The following PTPRD variants were observed in gnomAD, a reference collection of about 807,000 sequenced individuals.
PTPRD encodes the protein receptor-type tyrosine-protein phosphatase delta.
In PTPRD, 34 loss-of-function variants were observed where a neutral mutation model predicts 214.5. The ratio of observed to expected loss-of-function variants is 0.16; its 90% confidence interval spans 0.12 to 0.21. The LOEUF is 0.21. Among genes scored for constraint, PTPRD ranks in the 10% least tolerant of loss-of-function variants. The probability of loss-of-function intolerance (pLI) is 1.00; values close to 1 mark genes in which losing one functional copy is unlikely to be tolerated. For missense variants in PTPRD, 2,545 were observed against 2,398.7 expected, an observed-to-expected ratio of 1.06 and a Z score of -1.27; for synonymous variants, 1,128 against 845.7, an observed-to-expected ratio of 1.33 and a Z score of -5.79.
intron 4 of PTPRD, among the ~76,000 whole-genome samples, chr9:9,998,135 T>A (rs1303786379): frequency 6.2e-5 from 8 of 128,138 alleles, no homozygotes; most frequent in South Asian, 2.3e-4. Flanking sequence ...AAAAAATATA[T>A]ATATATATAT....
At position 9,798,782 on chromosome 9, in the gene PTPRD, C is replaced by T. The variant is rs372730955; in HGVS notation, c.-367-31931G>A. ...TAAAATGACTGATTTATGAAGCAGA[C>T]ACAGCAAATTGGAAGCAAAATCAGG... On this transcript the variant is annotated intron_variant, in intron 5 of 45. Coordinates refer to ENST00000381196, the MANE Select transcript of PTPRD (RefSeq NM_002839.4). Among the ~76,000 whole-genome samples, 40 of 152,034 alleles carry T rather than the reference C, an allele frequency of 2.6e-4. 1 individual carries two copies. Among genetic ancestry groups the T allele is most frequent in the African/African-American group, 9.2e-4 (38 of 41,384 alleles).
intron 7 of PTPRD, among the ~76,000 whole-genome samples, chr9:9,707,488 C>T (rs759523323): frequency 1.1e-4 from 16 of 151,896 alleles, no homozygotes; most frequent in Non-Finnish European, 1.9e-4. Flanking sequence ...ACAATAGAAC[C>T]GGTACAAATA....
At chr9:8,701,156 A>C (rs2098073734) in intron 12 of PTPRD, among the ~76,000 whole-genome samples, 1 of 151,932 alleles carries the variant, frequency 6.6e-6, no homozygotes, top group African/African-American at 2.4e-5. Flanking sequence ...GCAAGACTCC[A>C]TCTCAAAAAA....
chr9:8,387,347 T>C (rs575542585), intron 37 of PTPRD, among the ~76,000 whole-genome samples: 60 of 152,150 alleles, frequency 3.9e-4, no homozygotes, highest in Non-Finnish European at 8.4e-4. Flanking sequence ...GCAGTGGCAG[T>C]GGGGCCAGTT....
intron 11 of PTPRD, among the ~76,000 whole-genome samples, chr9:8,853,690 C>T (rs3891649): frequency 0.56 from 85,172 of 151,994 alleles, 23,849 homozygotes; most frequent in Admixed American, 0.58. Context: ...TGATGTGTTA[C>T]ATAGGAATTC....
intron 8 of PTPRD, among the ~76,000 whole-genome samples, chr9:9,479,215 G>GCC (rs769053229): frequency 3.4e-4 from 7 of 20,580 alleles, no homozygotes; most frequent in African/African-American, 1.3e-3. Context: ...ACACACACAC[G>GCC]CCCCCCCCCC....
intron 8 of PTPRD, among the ~76,000 whole-genome samples, chr9:9,550,391 ATATATATGAAATGTATAATTT>A (rs143075316): frequency 0.093 from 13,756 of 147,350 alleles, 783 homozygotes; most frequent in Non-Finnish European, 0.13. Flanking sequence ...TTCTCTCTCT[ATATATATGAAATGTATAATTT>A]TATATATAAA....
chr9:8,658,165 G>A (rs1417848200), intron 12 of PTPRD, among the ~76,000 whole-genome samples: 3 of 152,150 alleles, frequency 2.0e-5, no homozygotes, highest in Non-Finnish European at 4.4e-5. Flanking sequence ...AATTACAATA[G>A]CAGTGAACAC....
intron 8 of PTPRD, among the ~76,000 whole-genome samples, chr9:9,549,988 T>G (rs1476101046): frequency 2.0e-5 from 3 of 152,050 alleles, no homozygotes; most frequent in African/African-American, 7.2e-5. Context: ...AGTGCCAAAT[T>G]GGTTAGACTG....
At chr9:8,361,790 A>G (rs533140214) in intron 39 of PTPRD, among the ~76,000 whole-genome samples, 3 of 150,388 alleles carry the variant, frequency 2.0e-5, no homozygotes, top group East Asian at 3.9e-4. Context: ...GAAAATGACC[A>G]AACTAAAAAA....
At chr9:8,442,022 A>G (rs1465351853) in intron 34 of PTPRD, among the ~76,000 whole-genome samples, 1 of 152,198 alleles carries the variant, frequency 6.6e-6, no homozygotes, top group Non-Finnish European at 1.5e-5. Context: ...AGTTTGTGAA[A>G]AAGTGTCAAT....
chr9:8,591,270 A>G (rs2094084129), intron 14 of PTPRD, among the ~76,000 whole-genome samples: 1 of 152,210 alleles, frequency 6.6e-6, no homozygotes, highest in Non-Finnish European at 1.5e-5. Context: ...GTTCCAAAGA[A>G]TAGGAACTAG....
rs146100317 is a variant in PTPRD, at chr9:9,730,050, C to T, written c.-287+4483G>A. The stretch of plus-strand genomic sequence containing the variant: ...TGAAAACAGTAACATCATTTTAACA[C>T]AAAACATTTAATTTTTGAGGGGAGA... On this transcript the variant is annotated intron_variant, in intron 7 of 45. Transcript: ENST00000381196. Among the ~76,000 whole-genome samples the T allele has an allele frequency of 1.3e-3, 205 of 152,070 alleles. 1 individual carries two copies. Among genetic ancestry groups the T allele is most frequent in the African/African-American group, 4.6e-3 (190 of 41,502 alleles).
chr9:8,679,688 T>C (rs754123348), intron 12 of PTPRD, among the ~76,000 whole-genome samples: 10 of 152,250 alleles, frequency 6.6e-5, no homozygotes, highest in Non-Finnish European at 1.2e-4. Context: ...AATAGTGATG[T>C]GATGTTTTCT....
chr9:8,657,488 G>T (rs560274418), intron 12 of PTPRD, among the ~76,000 whole-genome samples: 3 of 152,022 alleles, frequency 2.0e-5, no homozygotes, highest in East Asian at 1.9e-4. Flanking sequence ...TTTAATAGTG[G>T]TTTTTTCTTC....
At chr9:9,596,846 G>A (rs1361787229) in intron 7 of PTPRD, among the ~76,000 whole-genome samples, 2 of 151,944 alleles carry the variant, frequency 1.3e-5, no homozygotes, top group East Asian at 3.9e-4. Context: ...ATAACTTTTA[G>A]AATTACAAAT....
intron 12 of PTPRD, among the ~76,000 whole-genome samples, chr9:8,733,547 C>T (rs201555578): frequency 6.6e-6 from 1 of 152,010 alleles, no homozygotes; most frequent in East Asian, 1.9e-4. Context: ...AATAAATAAA[C>T]AGGAGGAGCA....
At chr9:9,290,138 C>T (rs1950688807) in intron 9 of PTPRD, among the ~76,000 whole-genome samples, 1 of 151,556 alleles carries the variant, frequency 6.6e-6, no homozygotes, top group East Asian at 2.0e-4. Context: ...TTGTCTTTTT[C>T]ATAATAGCCA....
rs1171138842 is a variant in PTPRD, at chr9:9,947,413, TTTATATATATA to T, written c.-471-8814_-471-8804del. Among the ~76,000 whole-genome samples, 26 of 36,976 alleles carry T rather than the reference TTTATATATATA, an allele frequency of 7.0e-4. 1 individual carries two copies. The highest frequency in any genetic ancestry group is 9.6e-4 in the Non-Finnish European group (25 of 25,984). The allele number at this position is 36,976 out of a possible 152,430, so 24.3% of individuals were successfully genotyped here. On this transcript the variant is annotated intron_variant, in intron 4 of 45. Transcript: ENST00000381196. ...TATACATATTATATATAATATATAT[TTTATATATATA>T]TTATATATATATTATATATTTTATA...
Sources: allele counts gnomAD v4.1 joint callset (sites outside exome capture counted in the v4.1 genomes callset), GRCh38; gene constraint gnomAD v4.1.1; transcripts MANE v1.5; gene names NCBI Gene and HGNC (gene_info 2026-07-23, HGNC 2026-07-21).